DHX36: variants seen among roughly 807,000 people sequenced by gnomAD.
The protein encoded by DHX36 is ATP-dependent DNA/RNA helicase DHX36.
Under a neutral mutation model 139.0 loss-of-function variants are expected in DHX36, and 50 were observed. The observed-to-expected ratio is 0.36, with a 90% CI of 0.29 to 0.46. DHX36 has a LOEUF of 0.46. Ranked by LOEUF, DHX36 falls within the 20% of genes least tolerant of loss-of-function variation. The probability of loss-of-function intolerance (pLI) is 1.00; values close to 1 mark genes in which losing one functional copy is unlikely to be tolerated. For missense variants in DHX36, 1,024 were observed against 1,211.3 expected, an observed-to-expected ratio of 0.85 and a Z score of 2.29; for synonymous variants, 425 against 401.9, an observed-to-expected ratio of 1.06 and a Z score of -0.69.
At chr3:154,302,071 T>TAAAAAAAAAA (rs773742984) in intron 9 of DHX36, among the ~76,000 whole-genome samples, 1 of 103,514 alleles carries the variant, frequency 9.7e-6, no homozygotes. Context: ...TGTGATAAAG[T>TAAAAAAAAAA]AAAAAAAAAA....
chr3:154,301,772 C>T (rs544601664), intron 9 of DHX36, among the ~76,000 whole-genome samples: 40 of 152,158 alleles, frequency 2.6e-4, no homozygotes, highest in Non-Finnish European at 4.9e-4. Context: ...CCATAGAGGG[C>T]GCATCTGGAC....
At chr3:154,288,764 T>A in intron 17 of DHX36, 102 bp downstream of exon 17, 1 of 549,434 alleles carries the variant, frequency 1.8e-6, no homozygotes, top group Non-Finnish European at 2.9e-6. Context: ...CATTGGACAT[T>A]ATTGGTCTAC....
At chr3:154,297,010 T>C (rs1294929038) in intron 12 of DHX36, among the ~76,000 whole-genome samples, 2 of 152,078 alleles carry the variant, frequency 1.3e-5, no homozygotes, top group South Asian at 2.1e-4. Flanking sequence ...TAAGAGAGAA[T>C]CAAATGAAAT....
chr3:154,315,502 TG>T (rs1164909675), intron 2 of DHX36, among the ~76,000 whole-genome samples: 1 of 152,162 alleles, frequency 6.6e-6, no homozygotes, highest in Non-Finnish European at 1.5e-5. Context: ...AGTTATTCCT[TG>T]TGATAGTTAA....
At position 154,295,439 on chromosome 3, in the gene DHX36, C is replaced by CT. The variant is rs374948531; in HGVS notation, c.1550-101dup. 319 of 513,840 alleles carry CT rather than the reference C, an allele frequency of 6.2e-4. 2 individuals are homozygous for CT. The highest frequency in any genetic ancestry group is 5.8e-3 in the African/African-American group (291 of 49,792). The allele number at this position is 513,840 out of a possible 1,614,324, so 31.8% of individuals were successfully genotyped here. ...AATTCAGAAGCTGAACCACTCAATT[C>CT]TTTTTTTGATAAGACATTGAACATT... On this transcript the variant is annotated intron_variant, in intron 12 of 24. Transcript: ENST00000496811.
In DHX36 at chr3:154,310,825, A is replaced by G. The variant is rs1423390580; in HGVS notation, c.642+811T>C. 1.5e-3 allele frequency among the ~76,000 whole-genome samples: 42 copies of G among 28,634 alleles called. 3 individuals are homozygous for G. Among genetic ancestry groups the G allele is most frequent in the African/African-American group, 6.7e-3 (37 of 5,502 alleles). 18.8% of individuals were successfully genotyped at this position (28,634 alleles called of 152,430 possible). The stretch of plus-strand genomic sequence containing the variant: ...AAAAAAAATATATATATATATATAT[A>G]TATATATATATATATATATATATAT... On this transcript the variant is annotated intron_variant, in intron 4 of 24. Coordinates refer to ENST00000496811, the MANE Select transcript of DHX36 (RefSeq NM_020865.3).
At position 154,324,217 on chromosome 3, in the gene DHX36, G is replaced by A; in HGVS notation, c.200C>T (p.Ala67Val). The part of the protein sequence containing the change: ...LKGREIGMWY[A>V]KKQGQKNKEA... ...CTTGTTCTTCTGCCCCTGTTTTTTCGCGTACCACATGCCGATTTCGCGGCC... is the reference window on the plus strand; with the variant it reads ...CTTGTTCTTCTGCCCCTGTTTTTTCACGTACCACATGCCGATTTCGCGGCC... Residue 67 changes from alanine to valine, a missense_variant, in exon 1 of 25, where the codon GCG (alanine) becomes GTG (valine). Physicochemically the swap from Ala to Val is moderately conservative, Grantham distance 64. Around this residue, in one of 4 missense-constraint regions of DHX36, gnomAD observed 293 missense variants for 274.4 expected, o/e 1.07. Coordinates refer to ENST00000496811, the MANE Select transcript of DHX36 (RefSeq NM_020865.3). The A allele has an allele frequency of 6.2e-7, 1 of 1,612,904 alleles. No individual in the cohort carries two copies. Among genetic ancestry groups the A allele is most frequent in the Middle Eastern group, 1.7e-4 (1 of 6,052 alleles).
In DHX36 at chr3:154,277,606, TTCTCA is replaced by T; in HGVS notation, c.2675_2679del (p.Met892AsnfsTer8). 6.2e-7 allele frequency: 1 copy of T among 1,608,850 alleles called. No individual in the cohort carries two copies. The highest frequency in any genetic ancestry group is 1.1e-5 in the South Asian group (1 of 90,166). On this transcript the variant is annotated frameshift_variant, in exon 23 of 25. Coordinates refer to ENST00000496811, the MANE Select transcript of DHX36 (RefSeq NM_020865.3). LOFTEE classifies it high-confidence loss of function. ...TTTAAATGTTCACTTACACTGCTTG[TTCTCA>T]TCTTTAGGTGATAGATAAGCCAGTT...
intron 4 of DHX36, among the ~76,000 whole-genome samples, chr3:154,311,164 TA>T (rs1414787896): frequency 1.3e-5 from 2 of 151,486 alleles, no homozygotes; most frequent in East Asian, 1.9e-4. Flanking sequence ...TAAAGTAAAA[TA>T]AAATAAAATA....
chr3:154,293,227 CAAAA>C (rs539289507), intron 14 of DHX36, among the ~76,000 whole-genome samples: 157 of 152,230 alleles, frequency 1.0e-3, no homozygotes, highest in Non-Finnish European at 1.6e-3. Context: ...ACAAAACAAA[CAAAA>C]ACCAACACCT....
chr3:154,277,927 G>A, intron 22 of DHX36: 1 of 385,934 alleles, frequency 2.6e-6, no homozygotes. Context: ...AAAAATATAT[G>A]AAAAAATGCT....
intron 20 of DHX36, 68 bp downstream of exon 20, chr3:154,283,120 T>A: frequency 8.0e-6 from 10 of 1,253,188 alleles, no homozygotes; most frequent in Non-Finnish European, 1.2e-6. Flanking sequence ...GATCTAATTG[T>A]ACAAAATGGA....
chr3:154,291,202 A>G (rs1431501998), intron 15 of DHX36, among the ~76,000 whole-genome samples: 1 of 148,614 alleles, frequency 6.7e-6, no homozygotes, highest in African/African-American at 2.5e-5. Context: ...GCTTTTTCTG[A>G]TCTCCAAAAT....
chr3:154,306,340 A>G lies in DHX36; in HGVS notation c.814-45T>C, dbSNP rs779214256. The G allele has an allele frequency of 2.7e-6, 4 of 1,496,338 alleles. No homozygotes were observed. The South Asian group carries it at 4.5e-5, about 17-fold the overall frequency. 92.7% of individuals were successfully genotyped at this position (1,496,338 alleles called of 1,614,324 possible). Reference sequence around the variant, plus strand: ...TAAAGAGAATATAATTTCCTTTAGAACAAATATCCTGAATGTCCATGAAAA... The same window carrying G: ...TAAAGAGAATATAATTTCCTTTAGAGCAAATATCCTGAATGTCCATGAAAA... On this transcript the variant is annotated intron_variant, in intron 5 of 24. Transcript: ENST00000496811.
chr3:154,299,723 C>T (rs1712191443), intron 12 of DHX36, 115 bp downstream of exon 12: 5 of 770,170 alleles, frequency 6.5e-6, no homozygotes, highest in Non-Finnish European at 1.2e-5. Flanking sequence ...AAAAGCTTCA[C>T]CTTCATCTGT....
chr3:154,291,696 G>A (rs367561182), intron 15 of DHX36, among the ~76,000 whole-genome samples: 107 of 152,292 alleles, frequency 7.0e-4, no homozygotes, highest in African/African-American at 2.4e-3. Context: ...TAAATGGCCT[G>A]TAAAGTTTTC....
At chr3:154,303,897 A>G (rs1394583043) in intron 8 of DHX36, among the ~76,000 whole-genome samples, 1 of 152,222 alleles carries the variant, frequency 6.6e-6, no homozygotes, top group Non-Finnish European at 1.5e-5. Flanking sequence ...TCACTTCGGT[A>G]CTGTTATTTA....
In DHX36 at chr3:154,284,568, A is replaced by T. The variant is rs754654287; in HGVS notation, c.2292+15T>A. The T allele has an allele frequency of 1.6e-4, 208 of 1,325,760 alleles. No homozygotes were observed. The highest frequency in any genetic ancestry group is 3.8e-4 in the South Asian group (27 of 71,694). 82.1% of individuals were successfully genotyped at this position (1,325,760 alleles called of 1,614,324 possible). A position where few individuals can be genotyped will look rare whatever the true frequency, so the allele number is the denominator to read the frequency against. On this transcript the variant is annotated intron_variant, in intron 19 of 24. Transcript: ENST00000496811. ...ATAAACTATCATAATCCAGGACAAAATTTTTTTTTTTTACCTCAAACGCAT... is the reference window on the plus strand; with the variant it reads ...ATAAACTATCATAATCCAGGACAAATTTTTTTTTTTTTACCTCAAACGCAT...
intron 1 of DHX36, among the ~76,000 whole-genome samples, chr3:154,319,466 C>A (rs1027830171): frequency 6.6e-6 from 1 of 152,116 alleles, no homozygotes; most frequent in Non-Finnish European, 1.5e-5. Flanking sequence ...AAGAAAAGGT[C>A]CTCAGTTGGT....
Sources: allele counts gnomAD v4.1 joint callset (sites outside exome capture counted in the v4.1 genomes callset), GRCh38; gene constraint gnomAD v4.1.1; regional missense constraint gnomAD v4.1.1; transcripts MANE v1.5; gene names NCBI Gene and HGNC (gene_info 2026-07-23, HGNC 2026-07-21).